Variants in STXBP5L observed in about 807,000 individuals in gnomAD.
The protein encoded by STXBP5L is syntaxin binding protein 5L, also known as syntaxin-binding protein 5-like.
Under a neutral mutation model 144.5 loss-of-function variants are expected in STXBP5L, and 65 were observed. The ratio of observed to expected loss-of-function variants is 0.45; its 90% CI spans 0.37 to 0.55. STXBP5L has a LOEUF of 0.55. Ranked by LOEUF, STXBP5L falls within the 20% of genes least tolerant of loss-of-function variation. The probability of loss-of-function intolerance (pLI) is 0.00; values close to 1 mark genes in which losing one functional copy is unlikely to be tolerated. For missense variants in STXBP5L, 1,298 were observed against 1,405.5 expected (o/e 0.92, Z 1.22); for synonymous variants, 505 against 469.6 (o/e 1.08, Z -0.97).
At chr3:121,321,642 A>T (rs2043973938) in intron 20 of STXBP5L, among the ~76,000 whole-genome samples, 1 of 152,202 alleles carries the variant, frequency 6.6e-6, no homozygotes, top group Non-Finnish European at 1.5e-5. Flanking sequence ...AGATCACTTG[A>T]GAATCACTGC....
chr3:121,094,662 G>T (rs2043018102), intron 5 of STXBP5L, among the ~76,000 whole-genome samples: 1 of 152,070 alleles, frequency 6.6e-6, no homozygotes, highest in Non-Finnish European at 1.5e-5. Context: ...GAGCCTATGT[G>T]TGTCTCTGCA....
At chr3:120,983,262 G>C (rs1434214961) in intron 3 of STXBP5L, among the ~76,000 whole-genome samples, 1 of 151,540 alleles carries the variant, frequency 6.6e-6, no homozygotes, top group African/African-American at 2.4e-5. Context: ...GCTCAGATGG[G>C]GGCAGGGTGG....
intron 20 of STXBP5L, among the ~76,000 whole-genome samples, chr3:121,370,011 T>TG (rs2045983526): frequency 6.6e-6 from 1 of 152,126 alleles, no homozygotes; most frequent in South Asian, 2.1e-4. Context: ...GATTGAATAA[T>TG]GGGGGTGGAC....
intron 9 of STXBP5L, among the ~76,000 whole-genome samples, chr3:121,184,829 C>T (rs1463799930): frequency 6.6e-6 from 1 of 152,124 alleles, no homozygotes; most frequent in African/African-American, 2.4e-5. Flanking sequence ...GGTCAGGTTA[C>T]CCAGAAAGGA....
chr3:121,121,368 C>G (rs544629646), intron 6 of STXBP5L, among the ~76,000 whole-genome samples: 2 of 151,244 alleles, frequency 1.3e-5, no homozygotes, highest in Non-Finnish European at 3.0e-5. Context: ...TATCTGACAA[C>G]AAACGTTTCA....
chr3:121,179,741 A>G (rs1233243466), intron 9 of STXBP5L, among the ~76,000 whole-genome samples: 2 of 152,188 alleles, frequency 1.3e-5, no homozygotes, highest in Non-Finnish European at 2.9e-5. Flanking sequence ...TAAAGAAAAA[A>G]CAATCACAAC....
chr3:121,032,924 A>T lies in STXBP5L; in HGVS notation c.288-8776A>T, dbSNP rs1353916559. On this transcript the variant is annotated intron_variant, in intron 3 of 26. Coordinates refer to ENST00000471454, the MANE Select transcript of STXBP5L (RefSeq NM_001308330.2). The stretch of plus-strand genomic sequence containing the variant: ...AATCATTAAAAAGTCAGGAAACAAC[A>T]GGTGCTGGAGAGGATGTGGAGAAAT... Among the ~76,000 whole-genome samples the T allele has an allele frequency of 8.2e-5, 3 of 36,668 alleles. No homozygotes were observed. In the Admixed American group the frequency reaches 1.0e-3, roughly 12 times the overall value. 24.1% of individuals were successfully genotyped at this position (36,668 alleles called of 152,430 possible).
intron 9 of STXBP5L, among the ~76,000 whole-genome samples, chr3:121,173,347 A>AATAATAATAATAAT (rs1236406261): frequency 1.3e-5 from 2 of 150,204 alleles, no homozygotes; most frequent in Non-Finnish European, 3.0e-5. Flanking sequence ...TAATAATAAT[A>AATAATAATAATAAT]ATAATGATAA....
chr3:121,252,422 C>T (rs2050057929), intron 15 of STXBP5L, among the ~76,000 whole-genome samples: 1 of 151,782 alleles, frequency 6.6e-6, no homozygotes, highest in Non-Finnish European at 1.5e-5. Flanking sequence ...TTAGAGGACA[C>T]TTTAACACTT....
At chr3:121,188,338 C>T (rs865956818) in intron 9 of STXBP5L, among the ~76,000 whole-genome samples, 2 of 152,184 alleles carry the variant, frequency 1.3e-5, no homozygotes, top group Admixed American at 6.5e-5. Context: ...CAAACTGTCT[C>T]TCAGAACACA....
chr3:121,370,262 G>A (rs1485613751), intron 20 of STXBP5L, among the ~76,000 whole-genome samples: 1 of 152,148 alleles, frequency 6.6e-6, no homozygotes, highest in Non-Finnish European at 1.5e-5. Context: ...CAGCTACTTG[G>A]GAGGCTGAGG....
chr3:121,202,980 C>A (rs2108219959), intron 9 of STXBP5L, among the ~76,000 whole-genome samples: 1 of 151,220 alleles, frequency 6.6e-6, no homozygotes, highest in South Asian at 2.1e-4. Context: ...CCTTTCTTTC[C>A]TTTTCTTCTA....
chr3:120,939,713 C>A (rs976751403), intron 2 of STXBP5L, among the ~76,000 whole-genome samples: 1 of 152,108 alleles, frequency 6.6e-6, no homozygotes, highest in Non-Finnish European at 1.5e-5. Context: ...TTAAACATAA[C>A]CCCATTCTTG....
rs1257308651 is a variant in STXBP5L at position 121,313,198 on chromosome 3, G to A, written c.2111-5277G>A. Among the ~76,000 whole-genome samples, 512 of 140,250 alleles carry A rather than the reference G, an allele frequency of 3.7e-3. 1 individual carries two copies. The highest frequency in any genetic ancestry group is 6.2e-3 in the South Asian group (27 of 4,382). The allele number at this position is 140,250 out of a possible 152,430, so 92.0% of individuals were successfully genotyped here. A position where few individuals can be genotyped will look rare whatever the true frequency, so the allele number is the denominator to read the frequency against. On this transcript the variant is annotated intron_variant, in intron 19 of 26. Coordinates refer to ENST00000471454, the MANE Select transcript of STXBP5L (RefSeq NM_001308330.2). ...GCGCCCCTCACCTCCCGGACGGGGCGGCCGGCCGGAAGGGGGGCTGACCCC... is the reference window on the plus strand; with the variant it reads ...GCGCCCCTCACCTCCCGGACGGGGCAGCCGGCCGGAAGGGGGGCTGACCCC...
chr3:121,084,421 T>C (rs1244042085), intron 5 of STXBP5L, among the ~76,000 whole-genome samples: 2 of 152,140 alleles, frequency 1.3e-5, no homozygotes, highest in African/African-American at 4.8e-5. Flanking sequence ...CGTGTTTTCA[T>C]TGTTCAGCTC....
chr3:121,268,771 G>A (rs989396973), intron 18 of STXBP5L, among the ~76,000 whole-genome samples: 3 of 151,724 alleles, frequency 2.0e-5, no homozygotes, highest in African/African-American at 4.8e-5. Flanking sequence ...GTTAGCAGCC[G>A]GCCAAAAGAC....
At chr3:121,168,811 C>A (rs1184298706) in intron 9 of STXBP5L, among the ~76,000 whole-genome samples, 1 of 152,064 alleles carries the variant, frequency 6.6e-6, no homozygotes, top group Non-Finnish European at 1.5e-5. Flanking sequence ...GCAAGGAAGG[C>A]CAACATTCAA....
chr3:121,317,640 T>C (rs2043829009), intron 19 of STXBP5L, among the ~76,000 whole-genome samples: 1 of 152,150 alleles, frequency 6.6e-6, no homozygotes, highest in African/African-American at 2.4e-5. Context: ...TGTGAGACTT[T>C]CTAACAAAGA....
intron 5 of STXBP5L, among the ~76,000 whole-genome samples, chr3:121,097,283 T>C (rs2043178467): frequency 6.6e-6 from 1 of 152,148 alleles, no homozygotes; most frequent in African/African-American, 2.4e-5. Context: ...ACCACTTGGC[T>C]CCCTGACTTC....
Sources: gnomAD v4.1 joint callset for allele counts (sites outside exome capture counted in the v4.1 genomes callset) on GRCh38, gnomAD v4.1.1 for gene constraint, MANE v1.5 for transcripts, NCBI Gene and HGNC (gene_info 2026-07-23, HGNC 2026-07-21) for gene names.